EPHA5: variants seen among roughly 807,000 people sequenced by gnomAD.
The protein encoded by EPHA5 is ephrin type-A receptor 5.
A neutral mutation model predicts 105.0 loss-of-function variants in EPHA5; 60 were observed. The observed-to-expected ratio is 0.57, with a 90% CI of 0.46 to 0.71. The LOEUF is 0.71. Ranked by LOEUF, EPHA5 falls within the 30% of genes least tolerant of loss-of-function variation. The pLI, the probability that EPHA5 is intolerant of heterozygous loss-of-function variation, is 0.00. For missense variants in EPHA5, 1,218 were observed against 1,274.7 expected (o/e 0.96, Z 0.68); for synonymous variants, 513 against 449.1 (o/e 1.14, Z -1.80).
intron 3 of EPHA5, among the ~76,000 whole-genome samples, chr4:65,576,054 G>GAAAGAAAAGA (rs1423504045): frequency 2.5e-5 from 2 of 81,582 alleles, no homozygotes; most frequent in African/African-American, 4.9e-5. Context: ...AAGAAAGAAA[G>GAAAGAAAAGA]AAAGAAAAGA....
intron 11 of EPHA5, among the ~76,000 whole-genome samples, chr4:65,361,232 A>T (rs1717281017): frequency 6.6e-6 from 1 of 151,678 alleles, no homozygotes; most frequent in South Asian, 2.1e-4. Flanking sequence ...TGAAGGAAAA[A>T]TGAAGATAAA....
chr4:65,479,709 T>C (rs1037239776), intron 5 of EPHA5, among the ~76,000 whole-genome samples: 2 of 152,066 alleles, frequency 1.3e-5, no homozygotes, highest in Non-Finnish European at 2.9e-5. Context: ...ATATGAAAAG[T>C]GCAGTGAACA....
chr4:65,465,527 GAAAA>G (rs777887148), intron 5 of EPHA5, among the ~76,000 whole-genome samples: 1 of 70,920 alleles, frequency 1.4e-5, no homozygotes, highest in African/African-American at 6.0e-5. Context: ...AAGAAAGAAA[GAAAA>G]GAAAGGAAAG....
At chr4:65,663,303 G>T (rs952398101) in intron 1 of EPHA5, among the ~76,000 whole-genome samples, 7 of 152,010 alleles carry the variant, frequency 4.6e-5, no homozygotes, top group African/African-American at 1.4e-4. Context: ...ATTTCACAAA[G>T]TTAGACTAAC....
chr4:65,363,198 G>T (rs1365242590), intron 11 of EPHA5, among the ~76,000 whole-genome samples: 1 of 151,484 alleles, frequency 6.6e-6, no homozygotes, highest in Non-Finnish European at 1.5e-5. Flanking sequence ...TAGGAAGAAA[G>T]ATAAGTGGAG....
At chr4:65,447,965 T>C (rs1726712633) in intron 5 of EPHA5, among the ~76,000 whole-genome samples, 2 of 152,020 alleles carry the variant, frequency 1.3e-5, no homozygotes, top group African/African-American at 4.8e-5. Flanking sequence ...GACACAACAA[T>C]GACCAATTTC....
intron 14 of EPHA5, among the ~76,000 whole-genome samples, chr4:65,346,646 A>G (rs1200100429): frequency 6.6e-6 from 1 of 152,176 alleles, no homozygotes; most frequent in Non-Finnish European, 1.5e-5. Context: ...AATTAAACTA[A>G]AGAACTTCTG....
At chr4:65,625,221 G>A (rs1746027886) in intron 2 of EPHA5, among the ~76,000 whole-genome samples, 1 of 151,916 alleles carries the variant, frequency 6.6e-6, no homozygotes, top group Non-Finnish European at 1.5e-5. Flanking sequence ...TCTATTGAAT[G>A]GAATAATAGA....
At chr4:65,656,357 G>C (rs1749060308) in intron 1 of EPHA5, among the ~76,000 whole-genome samples, 1 of 151,368 alleles carries the variant, frequency 6.6e-6, no homozygotes, top group Admixed American at 6.6e-5. Flanking sequence ...ACCAGGAAGT[G>C]AGAACTGTGT....
chr4:65,659,559 G>A (rs1749381734), intron 1 of EPHA5, among the ~76,000 whole-genome samples: 1 of 151,884 alleles, frequency 6.6e-6, no homozygotes, highest in African/African-American at 2.4e-5. Context: ...CTAAGTATGA[G>A]AGGAAATATC....
At chr4:65,547,533 A>G (rs1212880184) in intron 3 of EPHA5, among the ~76,000 whole-genome samples, 2 of 151,966 alleles carry the variant, frequency 1.3e-5, no homozygotes, top group Non-Finnish European at 2.9e-5. Context: ...GTTCCGGTTA[A>G]GTCATTTCTG....
rs933722732 is a variant in EPHA5 at position 65,321,827 on chromosome 4, C to T, written c.*2287G>A. 3 of 226,766 alleles carry T rather than the reference C, an allele frequency of 1.3e-5. No homozygotes were observed. Among genetic ancestry groups the T allele is most frequent in the Admixed American group, 5.7e-5 (1 of 17,458 alleles). 14.0% of individuals were successfully genotyped at this position (226,766 alleles called of 1,614,324 possible). On this transcript the variant is annotated 3_prime_UTR_variant, in exon 17 of 17. Transcript: ENST00000613740. The stretch of plus-strand genomic sequence containing the variant: ...AGAAAATATCTTTGTTATGTCTAAG[C>T]AATTGTGGCAAGTTCATCAGCCCTA...
intron 1 of EPHA5, among the ~76,000 whole-genome samples, chr4:65,658,241 A>G (rs909284044): frequency 6.6e-6 from 1 of 152,090 alleles, no homozygotes; most frequent in African/African-American, 2.4e-5. Flanking sequence ...ATCCTATTGC[A>G]CTAAGAGCAG....
At chr4:65,383,161 A>G (rs1719736342) in intron 8 of EPHA5, among the ~76,000 whole-genome samples, 1 of 150,446 alleles carries the variant, frequency 6.6e-6, no homozygotes, top group African/African-American at 2.4e-5. Flanking sequence ...ATAATGATGT[A>G]TATATATCAT....
At chr4:65,454,110 G>T (rs902193139) in intron 5 of EPHA5, among the ~76,000 whole-genome samples, 2 of 151,950 alleles carry the variant, frequency 1.3e-5, no homozygotes, top group Non-Finnish European at 2.9e-5. Context: ...GAAAAACCCC[G>T]TCTCTACTAA....
chr4:65,478,254 A>G (rs1159726114), intron 5 of EPHA5, among the ~76,000 whole-genome samples: 2 of 152,188 alleles, frequency 1.3e-5, no homozygotes, highest in East Asian at 1.9e-4. Flanking sequence ...TGTGAGGCCA[A>G]TATAGATATA....
At chr4:65,366,722 C>A (rs2148894646) in intron 9 of EPHA5, among the ~76,000 whole-genome samples, 1 of 151,928 alleles carries the variant, frequency 6.6e-6, no homozygotes, top group African/African-American at 2.4e-5. Context: ...ATGATTTTGA[C>A]ATTTAAGATG....
intron 5 of EPHA5, among the ~76,000 whole-genome samples, chr4:65,438,473 T>A (rs2149079918): frequency 6.6e-6 from 1 of 152,088 alleles, no homozygotes; most frequent in East Asian, 1.9e-4. Context: ...AATTTTCATA[T>A]GTTTTCATCT....
rs547522458 is a variant in EPHA5, at chr4:65,451,858, T to C, written c.1403-31293A>G. Among the ~76,000 whole-genome samples the C allele has an allele frequency of 4.6e-4, 70 of 152,266 alleles. 1 individual carries two copies. In the East Asian group the frequency reaches 6.0e-3, roughly 13 times the overall value. On this transcript the variant is annotated intron_variant, in intron 5 of 16. Coordinates refer to ENST00000613740, the MANE Select transcript of EPHA5 (RefSeq NM_001281766.3). ...GCAAATGAGAAGAGTCTGTGAAAGC[T>C]TGGAAAAATCAGACATGGGCTATTG...
Sources: allele counts gnomAD v4.1 joint callset (sites outside exome capture counted in the v4.1 genomes callset), GRCh38; gene constraint gnomAD v4.1.1; transcripts MANE v1.5; gene names NCBI Gene and HGNC (gene_info 2026-07-23, HGNC 2026-07-21).